The following GLIS1 variants were observed in gnomAD, a reference collection of about 807,000 sequenced individuals.
The protein encoded by GLIS1 is zinc finger protein GLIS1.
Under a neutral mutation model 63.8 loss-of-function variants are expected in GLIS1, and 24 were observed. That is an observed-to-expected ratio of 0.38 (90% CI 0.27 to 0.53). The LOEUF is 0.53. Ranked by LOEUF, GLIS1 falls within the 20% of genes least tolerant of loss-of-function variation. The pLI is 0.85. For synonymous variants in GLIS1, 450 were observed against 482.5 expected (o/e 0.93, Z 0.88); for missense variants, 1,036 against 1,074.1 (o/e 0.96, Z 0.50).
At chr1:53,633,588 C>T (rs554556403) in intron 2 of GLIS1, among the ~76,000 whole-genome samples, 2 of 152,094 alleles carry the variant, frequency 1.3e-5, no homozygotes, top group South Asian at 4.2e-4. Context: ...TCTTCCTTTA[C>T]CTCCATGTCT....
rs550267430 is a variant in GLIS1, at chr1:53,548,489, C to G, written c.1321-18537G>C. 3.9e-5 allele frequency among the ~76,000 whole-genome samples: 6 copies of G among 152,348 alleles called. No individual in the cohort carries two copies. In the South Asian group the frequency reaches 1.2e-3, roughly 32 times the overall value. On this transcript the variant is annotated intron_variant, in intron 4 of 10. Coordinates refer to ENST00000628545, the MANE Select transcript of GLIS1 (RefSeq NM_001367484.1). ...TCGACTCATCCCGTGACAACGCTGC[C>G]ATGCCACCAGGGTTATCCCTGCTCG...
chr1:53,562,613 C>G (rs1457556451), intron 4 of GLIS1, among the ~76,000 whole-genome samples: 1 of 152,186 alleles, frequency 6.6e-6, no homozygotes, highest in Non-Finnish European at 1.5e-5. Flanking sequence ...CCACACTGCC[C>G]CGGGGGCAGG....
chr1:53,571,104 C>T (rs1468502016), intron 4 of GLIS1, among the ~76,000 whole-genome samples: 2 of 152,022 alleles, frequency 1.3e-5, no homozygotes, highest in African/African-American at 4.8e-5. Flanking sequence ...GGGCAGAGGA[C>T]GTGAAAGGAC....
chr1:53,567,125 A>G (rs945619817), intron 4 of GLIS1, among the ~76,000 whole-genome samples: 1 of 152,240 alleles, frequency 6.6e-6, no homozygotes, highest in Non-Finnish European at 1.5e-5. Flanking sequence ...TGATAGTGAT[A>G]TGGACAATGA....
chr1:53,510,624 T>A (rs537859952), intron 8 of GLIS1, among the ~76,000 whole-genome samples: 1 of 152,200 alleles, frequency 6.6e-6, no homozygotes, highest in Non-Finnish European at 1.5e-5. Flanking sequence ...CCACACAACA[T>A]CTCAGGGGTT....
At position 53,560,989 on chromosome 1, in the gene GLIS1, C is replaced by T. The variant is rs939914012; in HGVS notation, c.1321-31037G>A. Reference sequence around the variant, plus strand: ...CGCTCCCTTCAGGATCTCCAATGTGCGCTCCGGGACCAAGCCCCTACTGTG... The same window carrying T: ...CGCTCCCTTCAGGATCTCCAATGTGTGCTCCGGGACCAAGCCCCTACTGTG... On this transcript the variant is annotated intron_variant, in intron 4 of 10. Transcript: ENST00000628545. The surrounding 1 kb of genome is among the most constrained non-coding windows in gnomAD (Gnocchi z 4.4). Among the ~76,000 whole-genome samples the T allele has an allele frequency of 1.2e-4, 18 of 152,144 alleles. No individual in the cohort carries two copies. The highest frequency in any genetic ancestry group is 3.3e-4 in the Admixed American group (5 of 15,276).
intron 10 of GLIS1, 103 bp from the exon 11 acceptor site, chr1:53,506,879 TCA>T: frequency 1.7e-6 from 2 of 1,182,244 alleles, no homozygotes; most frequent in Non-Finnish European, 2.3e-6. Flanking sequence ...GGTCATCCCC[TCA>T]CAGTGTCCCG....
chr1:53,640,489 TG>T (rs1645774892), intron 2 of GLIS1, among the ~76,000 whole-genome samples: 1 of 152,132 alleles, frequency 6.6e-6, no homozygotes, highest in Non-Finnish European at 1.5e-5. Context: ...GCTGGACAGT[TG>T]GGATCCTCAG....
Position 53,524,897 on chromosome 1 carries a change from G to T in GLIS1, c.1483-10C>A. 6.3e-7 allele frequency: 1 copy of T among 1,593,364 alleles called. No individual in the cohort carries two copies. Among genetic ancestry groups the T allele is most frequent in the Non-Finnish European group, 8.6e-7 (1 of 1,164,426 alleles). On this transcript the variant is annotated splice_polypyrimidine_tract_variant and intron_variant, in intron 5 of 10. Coordinates refer to ENST00000628545, the MANE Select transcript of GLIS1 (RefSeq NM_001367484.1). ...GACAGGCGTACGGCTTCTGTAACAT[G>T]GGGGGCACGGGTGGGGTGAGTGAGG...
At chr1:53,564,028 G>A (rs1006339341) in intron 4 of GLIS1, among the ~76,000 whole-genome samples, 1 of 152,200 alleles carries the variant, frequency 6.6e-6, no homozygotes, top group African/African-American at 2.4e-5. Context: ...GAAGAAGGAA[G>A]ATGATCCCAG....
At chr1:53,507,981 C>T (rs1338074836) in intron 10 of GLIS1, among the ~76,000 whole-genome samples, 3 of 151,876 alleles carry the variant, frequency 2.0e-5, no homozygotes, top group African/African-American at 7.2e-5. Flanking sequence ...CATGCACACA[C>T]GTCTATCCCG....
intron 2 of GLIS1, among the ~76,000 whole-genome samples, chr1:53,671,944 G>C (rs1646156918): frequency 6.6e-6 from 1 of 152,130 alleles, no homozygotes; most frequent in Admixed American, 6.5e-5. Flanking sequence ...AACAAGAATT[G>C]ACTGGAATCT....
chr1:53,605,808 A>G (rs976397687), intron 2 of GLIS1, among the ~76,000 whole-genome samples: 1 of 152,218 alleles, frequency 6.6e-6, no homozygotes, highest in Non-Finnish European at 1.5e-5. Context: ...TGGGCCCCCC[A>G]GGCATGTGCC....
intron 4 of GLIS1, among the ~76,000 whole-genome samples, chr1:53,593,443 G>A (rs59047567): frequency 0.031 from 4,729 of 152,342 alleles, 242 homozygotes; most frequent in African/African-American, 0.11. Context: ...GTGTGTGCAC[G>A]CGTGCATGCA....
chr1:53,552,862 A>T, intron 4 of GLIS1, among the ~76,000 whole-genome samples: 1 of 152,252 alleles, frequency 6.6e-6, no homozygotes, highest in East Asian at 1.9e-4. Flanking sequence ...CAGTGACAGA[A>T]AAGGAGACTC....
chr1:53,692,080 G>C (rs1445828767), intron 2 of GLIS1, among the ~76,000 whole-genome samples: 6 of 152,092 alleles, frequency 3.9e-5, no homozygotes, highest in African/African-American at 1.4e-4. Flanking sequence ...TTAAATACCT[G>C]ACCCCTCAAA....
At chr1:53,617,282 T>G (rs1464506973) in intron 2 of GLIS1, among the ~76,000 whole-genome samples, 1 of 152,030 alleles carries the variant, frequency 6.6e-6, no homozygotes, top group Non-Finnish European at 1.5e-5. Flanking sequence ...AGTGGGTGGG[T>G]CAGTCTCACA....
At chr1:53,510,121 G>A (rs1644284507) in intron 8 of GLIS1, 94 bp from the exon 9 acceptor site, 5 of 619,622 alleles carry the variant, frequency 8.1e-6, no homozygotes, top group Non-Finnish European at 4.8e-6. Flanking sequence ...CCAGCGACGG[G>A]GAGCCCACTC....
intron 4 of GLIS1, among the ~76,000 whole-genome samples, chr1:53,540,404 G>A (rs377130293): frequency 2.2e-4 from 33 of 152,228 alleles, no homozygotes; most frequent in African/African-American, 6.5e-4. Context: ...CTCGCCCCAC[G>A]GCCTCAGCAG....
Sources: allele counts gnomAD v4.1 joint callset (sites outside exome capture counted in the v4.1 genomes callset), GRCh38; gene constraint gnomAD v4.1.1; non-coding constraint Gnocchi (gnomAD v3.1); transcripts MANE v1.5; gene names NCBI Gene and HGNC (gene_info 2026-07-23, HGNC 2026-07-21).